Variants in WDR19 observed in about 807,000 individuals in gnomAD.
The protein encoded by WDR19 is WD repeat domain 19.
WDR19 carries 121 observed loss-of-function variants against 180.0 expected under a neutral mutation model. The observed-to-expected ratio is 0.67, with a 90% CI of 0.58 to 0.78. The LOEUF is 0.78. WDR19 is among the 30% of genes least tolerant of loss of function. The pLI is 0.00. For synonymous variants in WDR19, 497 were observed against 540.7 expected (o/e 0.92, Z 1.12); for missense variants, 1,450 against 1,640.7 (o/e 0.88, Z 2.01).
At chr4:39,263,882 C>T (rs1241457911) in intron 28 of WDR19, among the ~76,000 whole-genome samples, 3 of 150,428 alleles carry the variant, frequency 2.0e-5, no homozygotes, top group African/African-American at 7.4e-5. Flanking sequence ...CAAGATCATG[C>T]CATTGCACTC....
chr4:39,255,912 A>G lies in WDR19; in HGVS notation c.3066A>G (p.Arg1022=), dbSNP rs776166143. 9 of 1,608,774 alleles carry G rather than the reference A, an allele frequency of 5.6e-6. No homozygotes were observed. Among genetic ancestry groups the G allele is most frequent in the African/African-American group, 2.7e-5 (2 of 74,844 alleles). ...CCTTATACTTTGAAGGAGAAAAGAG[A>G]TATCTTCAGGCTGGAAAATTCTTCT... ...SIALYFEGEK[R]YLQAGKFFLL... Residue 1022 remains arginine (R), a synonymous_variant, in exon 27 of 37, where the codon AGA becomes AGG. Transcript: ENST00000399820.
chr4:39,186,751 G>A, intron 3 of WDR19, 147 bp downstream of exon 3: 1 of 561,208 alleles, frequency 1.8e-6, no homozygotes. Flanking sequence ...AAGTAGTTAT[G>A]AAATATGTAG....
intron 31 of WDR19, 58 bp downstream of exon 31, chr4:39,270,158 A>AT: frequency 1.9e-6 from 3 of 1,600,698 alleles, no homozygotes; most frequent in Non-Finnish European, 2.6e-6. Flanking sequence ...CCCCATTGAG[A>AT]TTTTCTCCAG....
chr4:39,235,215 C>T (rs1288864654), intron 20 of WDR19, among the ~76,000 whole-genome samples: 1 of 152,126 alleles, frequency 6.6e-6, no homozygotes, highest in African/African-American at 2.4e-5. Flanking sequence ...TAGCCTTGAA[C>T]TCCTGTGCTC....
intron 26 of WDR19, among the ~76,000 whole-genome samples, chr4:39,254,510 C>G (rs949196252): frequency 2.0e-5 from 3 of 152,068 alleles, no homozygotes; most frequent in African/African-American, 7.2e-5. Flanking sequence ...CTGAGAATGC[C>G]TGTTTAGAGG....
At chr4:39,191,017 A>G (rs1726095278) in intron 4 of WDR19, among the ~76,000 whole-genome samples, 1 of 152,208 alleles carries the variant, frequency 6.6e-6, no homozygotes, top group South Asian at 2.1e-4. Flanking sequence ...CTGTCTTCCC[A>G]CAGTGTCTGT....
chr4:39,277,171 T>G (rs373929414), intron 34 of WDR19, 28 bp downstream of exon 34: 6 of 1,573,316 alleles, frequency 3.8e-6, no homozygotes, highest in Non-Finnish European at 5.2e-6. Context: ...AATTTCCCTT[T>G]CTTTGCATAT....
Position 39,278,120 on chromosome 4 carries a change from C to T in WDR19, c.3841-11C>T, listed in dbSNP as rs1372242667. On this transcript the variant is annotated splice_polypyrimidine_tract_variant and intron_variant, in intron 34 of 36. Transcript: ENST00000399820. The stretch of plus-strand genomic sequence containing the variant: ...AAAGATGAATTTAACTCTTAAACAT[C>T]CTGTTTCCAGGGTCGACACATGTTG... The T allele has an allele frequency of 6.3e-7, 1 of 1,592,616 alleles. No individual in the cohort carries two copies. Among genetic ancestry groups the T allele is most frequent in the East Asian group, 2.3e-5 (1 of 44,352 alleles).
chr4:39,283,737 T>TATA (rs2109544539), intron 36 of WDR19, among the ~76,000 whole-genome samples: 1 of 152,338 alleles, frequency 6.6e-6, no homozygotes, highest in African/African-American at 2.4e-5. Flanking sequence ...TACCCACATT[T>TATA]ATAATTTCCA....
chr4:39,237,516 T>A (rs1731501202), intron 20 of WDR19, among the ~76,000 whole-genome samples: 1 of 152,162 alleles, frequency 6.6e-6, no homozygotes, highest in Non-Finnish European at 1.5e-5. Flanking sequence ...CTGTGAGCTG[T>A]GATCACGCCA....
At chr4:39,273,770 C>G (rs1735618778) in intron 32 of WDR19, 1 of 152,190 alleles carries the variant, frequency 6.6e-6, no homozygotes, top group Non-Finnish European at 1.5e-5. Context: ...TGCCCAAGAT[C>G]ACATTGTCAG....
intron 24 of WDR19, among the ~76,000 whole-genome samples, chr4:39,250,145 C>T (rs1438695368): frequency 2.0e-5 from 3 of 150,252 alleles, no homozygotes; most frequent in Admixed American, 1.3e-4. Flanking sequence ...AGCTTATCCC[C>T]CATGATCAAG....
At chr4:39,284,746 C>T (rs1736995932) in intron 36 of WDR19, among the ~76,000 whole-genome samples, 1 of 150,984 alleles carries the variant, frequency 6.6e-6, no homozygotes, top group Non-Finnish European at 1.5e-5. Context: ...TTTTAAAAAA[C>T]ATCCACAGAA....
At chr4:39,216,306 C>G in intron 12 of WDR19, 96 bp downstream of exon 12, 2 of 994,188 alleles carry the variant, frequency 2.0e-6, no homozygotes, top group Non-Finnish European at 2.9e-6. Context: ...AAGTCTTTCA[C>G]TCTTTTTTAT....
intron 28 of WDR19, among the ~76,000 whole-genome samples, chr4:39,260,972 T>C (rs1734229856): frequency 6.6e-6 from 1 of 152,036 alleles, no homozygotes; most frequent in Admixed American, 6.6e-5. Flanking sequence ...CACAAACAGT[T>C]CATAATAGCC....
rs142037096 is a variant in WDR19, at chr4:39,220,560, ATTTTTTT to A, written c.1479+2473_1479+2479del. On this transcript the variant is annotated intron_variant, in intron 14 of 36. Coordinates refer to ENST00000399820, the MANE Select transcript of WDR19 (RefSeq NM_025132.4). ...TTTTTTTTAGAAACAGACCTCCTTG[ATTTTTTT>A]TTTTTTTTTTTTTTTTTGAGACAGA... Among the ~76,000 whole-genome samples, 23 of 64,382 alleles carry A rather than the reference ATTTTTTT, an allele frequency of 3.6e-4. No individual in the cohort carries two copies. The Admixed American group carries it at 4.3e-3, about 12-fold the overall frequency. 42.2% of individuals were successfully genotyped at this position (64,382 alleles called of 152,430 possible).
At chr4:39,191,945 T>G (rs997707103) in intron 4 of WDR19, among the ~76,000 whole-genome samples, 1 of 152,238 alleles carries the variant, frequency 6.6e-6, no homozygotes, top group Non-Finnish European at 1.5e-5. Context: ...AATGGCATTA[T>G]TGGAAATTTA....
At chr4:39,268,375 C>CGTG (rs1273935337) in intron 30 of WDR19, among the ~76,000 whole-genome samples, 6 of 152,150 alleles carry the variant, frequency 3.9e-5, no homozygotes, top group Admixed American at 2.6e-4. Context: ...CTCCTCTCAC[C>CGTG]CCTCCAGCCC....
chr4:39,267,353 A>G (rs547752980), intron 29 of WDR19, among the ~76,000 whole-genome samples: 1 of 152,340 alleles, frequency 6.6e-6, no homozygotes, highest in African/African-American at 2.4e-5. Context: ...TGCATCTTAC[A>G]GATAAAGCCA....
Sources: gnomAD v4.1 joint callset for allele counts (sites outside exome capture counted in the v4.1 genomes callset) on GRCh38, gnomAD v4.1.1 for gene constraint, MANE v1.5 for transcripts, NCBI Gene and HGNC (gene_info 2026-07-23, HGNC 2026-07-21) for gene names.